The following AGMO variants were observed in gnomAD, a reference collection of about 807,000 sequenced individuals.
AGMO encodes glyceryl-ether monooxygenase.
Under a neutral mutation model 60.2 loss-of-function variants are expected in AGMO, and 75 were observed. The ratio of observed to expected loss-of-function variants is 1.25; its 90% CI spans 1.03 to 1.51. The LOEUF (loss-of-function observed/expected upper bound fraction) is 1.51. Among genes scored for constraint, AGMO ranks in the 40% most tolerant of loss-of-function variants. AGMO has a pLI of 0.00. For synonymous variants in AGMO, 261 were observed against 177.1 expected (o/e 1.47, Z -3.76); for missense variants, 763 against 525.5 (o/e 1.45, Z -4.42).
At chr7:15,394,968 T>C (rs1784311499) in intron 5 of AGMO, among the ~76,000 whole-genome samples, 1 of 152,212 alleles carries the variant, frequency 6.6e-6, no homozygotes, top group Admixed American at 6.5e-5. Flanking sequence ...CTATAAATTC[T>C]AAAAATCATA....
intron 12 of AGMO, among the ~76,000 whole-genome samples, chr7:15,279,453 G>A (rs1018703414): frequency 1.3e-5 from 2 of 152,172 alleles, no homozygotes; most frequent in East Asian, 3.9e-4. Context: ...ATCTTGAACT[G>A]GAATGAACAC....
At chr7:15,189,771 GA>G in the AGMO span, among the ~76,000 whole-genome samples, 1 of 151,078 alleles carries the variant, frequency 6.6e-6, no homozygotes, top group African/African-American at 2.4e-5. Flanking sequence ...TGTAACAATA[GA>G]AAAAGCTATT....
At chr7:15,404,857 G>A (rs1023624065) in intron 5 of AGMO, among the ~76,000 whole-genome samples, 8 of 151,798 alleles carry the variant, frequency 5.3e-5, no homozygotes, top group African/African-American at 1.7e-4. Context: ...AGATACTTTA[G>A]TAAACAAAGC....
At chr7:15,247,490 GGA>G (rs1172410783) in intron 12 of AGMO, among the ~76,000 whole-genome samples, 1 of 98,040 alleles carries the variant, frequency 1.0e-5, no homozygotes, top group Non-Finnish European at 2.3e-5. Flanking sequence ...GGAGAGAGAG[GGA>G]GAGAGAGACA....
chr7:15,481,791 T>C (rs1782758857), intron 3 of AGMO, among the ~76,000 whole-genome samples: 2 of 32,406 alleles, frequency 6.2e-5, no homozygotes, highest in Non-Finnish European at 2.5e-4. Flanking sequence ...CTAAATGTAT[T>C]TTTTTTTTTT....
chr7:15,499,853 AT>A (rs1372056937), intron 3 of AGMO, among the ~76,000 whole-genome samples: 1 of 151,074 alleles, frequency 6.6e-6, no homozygotes, highest in East Asian at 1.9e-4. Flanking sequence ...CAATGTACAA[AT>A]TAGGTTTATC....
chr7:15,434,843 T>C (rs1420554874), intron 3 of AGMO, among the ~76,000 whole-genome samples: 2 of 152,020 alleles, frequency 1.3e-5, no homozygotes, highest in African/African-American at 2.4e-5. Context: ...AATGCAGTCG[T>C]CAAAAATCCC....
At chr7:15,378,223 C>G (rs1783530485) in intron 10 of AGMO, among the ~76,000 whole-genome samples, 1 of 151,956 alleles carries the variant, frequency 6.6e-6, no homozygotes, top group Admixed American at 6.6e-5. Flanking sequence ...TATATTTGGA[C>G]AGACAGCACA....
chr7:15,196,013 CTCTTT>C (rs927690156), downstream of AGMO, among the ~76,000 whole-genome samples: 1 of 151,700 alleles, frequency 6.6e-6, no homozygotes, highest in African/African-American at 2.4e-5. Flanking sequence ...CTTCCCTCCT[CTCTTT>C]TCTTTTCTTT....
chr7:15,520,666 A>G (rs1453133254), intron 3 of AGMO, among the ~76,000 whole-genome samples: 1 of 152,238 alleles, frequency 6.6e-6, no homozygotes, highest in East Asian at 1.9e-4. Context: ...CAAAGACACA[A>G]CATACCAGAA....
intron 12 of AGMO, among the ~76,000 whole-genome samples, chr7:15,361,451 A>C (rs1319076834): frequency 3.4e-5 from 5 of 148,686 alleles, no homozygotes; most frequent in African/African-American, 1.0e-4. Flanking sequence ...GAGGTGGGAG[A>C]ATGGCGTGAA....
intron 1 of AGMO, 115 bp from the exon 2 acceptor site, chr7:15,560,386 G>T: frequency 9.4e-7 from 1 of 1,066,066 alleles, no homozygotes; most frequent in Non-Finnish European, 1.3e-6. Context: ...CCCTGCAGGA[G>T]ATGGTAGACA....
intron 12 of AGMO, among the ~76,000 whole-genome samples, chr7:15,332,193 G>A (rs1219162922): frequency 3.9e-5 from 6 of 152,126 alleles, no homozygotes; most frequent in African/African-American, 1.4e-4. Flanking sequence ...ATACTCTGGA[G>A]TTTATCTGCT....
intron 12 of AGMO, among the ~76,000 whole-genome samples, chr7:15,286,549 T>C (rs528626964): frequency 6.6e-6 from 1 of 152,038 alleles, no homozygotes; most frequent in African/African-American, 2.4e-5. Context: ...GCAAGTGTGG[T>C]CATTATTATA....
At chr7:15,204,182 G>A (rs1008125167) in intron 12 of AGMO, among the ~76,000 whole-genome samples, 2 of 151,978 alleles carry the variant, frequency 1.3e-5, no homozygotes, top group Non-Finnish European at 2.9e-5. Flanking sequence ...ACAATGTATA[G>A]ATTCAAATAT....
At chr7:15,299,700 C>T (rs913733109) in intron 12 of AGMO, among the ~76,000 whole-genome samples, 14 of 151,998 alleles carry the variant, frequency 9.2e-5, no homozygotes, top group African/African-American at 3.1e-4. Flanking sequence ...TGGTGGCACA[C>T]ACCTGTAGTT....
At chr7:15,519,231 C>A (rs1251195659) in intron 3 of AGMO, among the ~76,000 whole-genome samples, 1 of 151,786 alleles carries the variant, frequency 6.6e-6, no homozygotes, top group Non-Finnish European at 1.5e-5. Context: ...GGAAAACACA[C>A]TTCAGGATAT....
chr7:15,517,054 C>G, intron 3 of AGMO, among the ~76,000 whole-genome samples: 1 of 151,742 alleles, frequency 6.6e-6, no homozygotes, highest in East Asian at 1.9e-4. Flanking sequence ...AAGATCAACA[C>G]TTTTAAAAGA....
the AGMO span, among the ~76,000 whole-genome samples, chr7:15,141,772 T>A: frequency 6.6e-6 from 1 of 152,230 alleles, no homozygotes; most frequent in Non-Finnish European, 1.5e-5. Context: ...TTGGGCTAAC[T>A]TTGATATTGT....
Sources: gnomAD v4.1 joint callset for allele counts (sites outside exome capture counted in the v4.1 genomes callset) on GRCh38, gnomAD v4.1.1 for gene constraint, MANE v1.5 for transcripts, NCBI Gene and HGNC (gene_info 2026-07-23, HGNC 2026-07-21) for gene names.